Variants in CARMIL1 observed in about 807,000 individuals in gnomAD.
CARMIL1 encodes capping protein regulator and myosin 1 linker 1.
Under a neutral mutation model 177.1 loss-of-function variants are expected in CARMIL1, and 90 were observed. That is an observed-to-expected ratio of 0.51 (90% CI 0.43 to 0.61). The LOEUF is 0.61. Ranked by LOEUF, CARMIL1 falls within the 20% of genes least tolerant of loss-of-function variation. The probability of loss-of-function intolerance (pLI) is 0.00; values close to 1 mark genes in which losing one functional copy is unlikely to be tolerated. For synonymous variants in CARMIL1, 577 were observed against 606.2 expected, an observed-to-expected ratio of 0.95 and a Z score of 0.71; for missense variants, 1,380 against 1,667.0, an observed-to-expected ratio of 0.83 and a Z score of 3.00.
intron 4 of CARMIL1, among the ~76,000 whole-genome samples, chr6:25,433,950 C>T (rs896602169): frequency 6.6e-6 from 1 of 152,172 alleles, no homozygotes; most frequent in Non-Finnish European, 1.5e-5. Context: ...CTAAAAACTG[C>T]ATTGCACATT....
chr6:25,472,633 G>A (rs981228667), intron 11 of CARMIL1, 112 bp downstream of exon 11: 5 of 804,502 alleles, frequency 6.2e-6, no homozygotes, highest in Non-Finnish European at 8.0e-6. Flanking sequence ...TATAAGTGCT[G>A]TTAATGGTCC....
intron 2 of CARMIL1, among the ~76,000 whole-genome samples, chr6:25,302,055 G>C (rs77445501): frequency 0.028 from 4,257 of 152,270 alleles, 73 homozygotes; most frequent in Non-Finnish European, 0.038. Context: ...AAAATACATG[G>C]AATAGAGTGT....
intron 2 of CARMIL1, among the ~76,000 whole-genome samples, chr6:25,414,302 C>T (rs1452778991): frequency 6.6e-6 from 1 of 152,056 alleles, no homozygotes; most frequent in Non-Finnish European, 1.5e-5. Context: ...ACCAACAGTC[C>T]CAGTTTTCTG....
intron 10 of CARMIL1, 38 bp from the exon 11 acceptor site, chr6:25,472,389 A>G (rs1180578047): frequency 3.6e-6 from 5 of 1,372,270 alleles, no homozygotes; most frequent in Non-Finnish European, 5.1e-6. Flanking sequence ...ATGGTTTTAC[A>G]TTTTGTTATT....
chr6:25,601,036 C>T (rs1815348248), intron 33 of CARMIL1, among the ~76,000 whole-genome samples: 1 of 152,188 alleles, frequency 6.6e-6, no homozygotes, highest in Non-Finnish European at 1.5e-5. Flanking sequence ...CATGTCCCCA[C>T]ACTTCCTGCC....
rs114810355 is a variant in CARMIL1 at position 25,381,922 on chromosome 6, C to T, written c.139-38192C>T. On this transcript the variant is annotated intron_variant, in intron 2 of 36. Coordinates refer to ENST00000329474, the MANE Select transcript of CARMIL1 (RefSeq NM_017640.6). The stretch of plus-strand genomic sequence containing the variant: ...TTTCGTGGTTGGTTCCCCTGGCAAC[C>T]ACCAGCCCTCATCCTGAAGCTCTCT... 3.7e-3 allele frequency among the ~76,000 whole-genome samples: 564 copies of T among 152,092 alleles called. 5 individuals are homozygous for T. The highest frequency in any genetic ancestry group is 0.012 in the African/African-American group (506 of 41,492).
chr6:25,413,175 G>GT (rs11421226), intron 2 of CARMIL1, among the ~76,000 whole-genome samples: 12,823 of 152,122 alleles, frequency 0.084, 772 homozygotes, highest in African/African-American at 0.17. Flanking sequence ...GATTAATGAG[G>GT]TTTTATCTGT....
At chr6:25,422,224 C>T (rs541428190) in intron 3 of CARMIL1, among the ~76,000 whole-genome samples, 65 of 152,246 alleles carry the variant, frequency 4.3e-4, no homozygotes, top group Admixed American at 1.0e-3. Context: ...TCAGCCTTAT[C>T]GTGCTATGAT....
intron 2 of CARMIL1, among the ~76,000 whole-genome samples, chr6:25,305,433 A>G (rs1196656458): frequency 6.6e-6 from 1 of 152,200 alleles, no homozygotes; most frequent in African/African-American, 2.4e-5. Flanking sequence ...AGGTAAGACA[A>G]TCCACGGGTT....
Position 25,465,878 on chromosome 6 carries a change from T to A in CARMIL1, c.620T>A (p.Leu207Gln). The A allele has an allele frequency of 6.2e-7, 1 of 1,609,292 alleles. No individual in the cohort carries two copies. The highest frequency in any genetic ancestry group is 1.7e-5 in the Admixed American group (1 of 60,010). The change falls in exon 9 of 37, where the codon CTA becomes CAA. Residue 207 changes from leucine to glutamine, a missense_variant. Leu to Gln is a moderately radical substitution (Grantham distance 113, BLOSUM62 -2). Coordinates refer to ENST00000329474, the MANE Select transcript of CARMIL1 (RefSeq NM_017640.6). ...QDFSHLDHRD[L>Q]IPIIAALEYN... is the part of the protein sequence containing the mutation. ...TTTGTTGTTTCTGCTTCCAGGGACC[T>A]AATACCTATCATTGCTGCTCTGGAA... is the stretch of plus-strand genomic sequence containing the variant.
chr6:25,598,786 C>G (rs1815100434), intron 32 of CARMIL1, among the ~76,000 whole-genome samples: 1 of 152,136 alleles, frequency 6.6e-6, no homozygotes, highest in Non-Finnish European at 1.5e-5. Flanking sequence ...GTGGGTAGAG[C>G]TTGTCGACTG....
chr6:25,523,040 C>T (rs1386905458), intron 23 of CARMIL1, among the ~76,000 whole-genome samples: 1 of 152,188 alleles, frequency 6.6e-6, no homozygotes, highest in South Asian at 2.1e-4. Flanking sequence ...CTCAAGTAAT[C>T]CTCCTGCCTT....
At chr6:25,600,186 C>A in intron 32 of CARMIL1, 128 bp from the exon 33 acceptor site, 1 of 838,504 alleles carries the variant, frequency 1.2e-6, no homozygotes, top group Non-Finnish European at 1.9e-6. Context: ...TAACTCAAAT[C>A]TGCTTTTAAA....
chr6:25,492,002 T>C lies in CARMIL1; in HGVS notation c.1198T>C (p.Ser400Pro). The C allele has an allele frequency of 6.2e-7, 1 of 1,613,696 alleles. No individual in the cohort carries two copies. Among genetic ancestry groups the C allele is most frequent in the Non-Finnish European group, 8.5e-7 (1 of 1,179,696 alleles). The part of the protein sequence containing the change: ...CLQYLAVLNL[S>P]RTVFSHRKGK... ...TCAATATTTAGCTGTGCTCAACCTCTCCAGAACTGTCTTCTCTCACCGGTA... is the reference window on the plus strand; with the variant it reads ...TCAATATTTAGCTGTGCTCAACCTCCCCAGAACTGTCTTCTCTCACCGGTA... Residue 400 changes from serine (S) to proline (P), a missense_variant, in exon 15 of 37, where the codon TCC becomes CCC. By Grantham distance (74) the Ser-to-Pro change is moderately conservative (BLOSUM62 -1). Transcript: ENST00000329474.
In CARMIL1 at chr6:25,620,151, A is replaced by C. The variant is rs1481995868; in HGVS notation, c.*568A>C. The C allele has an allele frequency of 6.6e-6, 1 of 152,656 alleles. No homozygotes were observed. The highest frequency in any genetic ancestry group is 1.5e-5 in the Non-Finnish European group (1 of 68,056). 9.5% of individuals were successfully genotyped at this position (152,656 alleles called of 1,614,324 possible). A position where few individuals can be genotyped will look rare whatever the true frequency, so the allele number is the denominator to read the frequency against. ...ATATTAGATCTTGGGTATGGTTTTT[A>C]CCTTCTCCCATGGGGAACTTCTTCC... On this transcript the variant is annotated 3_prime_UTR_variant, in exon 37 of 37. Transcript: ENST00000329474.
intron 34 of CARMIL1, 45 bp downstream of exon 34, chr6:25,604,938 C>T (rs1815802988): frequency 6.9e-7 from 1 of 1,448,832 alleles, no homozygotes; most frequent in Non-Finnish European, 9.4e-7. Flanking sequence ...AAGCGCTTAC[C>T]TTCTGATTGC....
At position 25,279,768 on chromosome 6, in the gene CARMIL1, C is replaced by T; in HGVS notation, c.-28C>T. On this transcript the variant is annotated 5_prime_UTR_variant, in exon 1 of 37. Coordinates refer to ENST00000329474, the MANE Select transcript of CARMIL1 (RefSeq NM_017640.6). ...GGGCCATAAATCAGAGTTGGACCTG[C>T]AATAACCCCCACACCTACAGGGCAA... 3 of 1,612,976 alleles carry T rather than the reference C, an allele frequency of 1.9e-6. No homozygotes were observed. Among genetic ancestry groups the T allele is most frequent in the Non-Finnish European group, 2.5e-6 (3 of 1,178,978 alleles).
chr6:25,446,560 T>TCCAGACC (rs1239492060), intron 5 of CARMIL1, among the ~76,000 whole-genome samples: 3 of 152,224 alleles, frequency 2.0e-5, no homozygotes, highest in African/African-American at 7.2e-5. Context: ...AATGTTTCAT[T>TCCAGACC]CCAGACCACT....
chr6:25,451,987 C>CCCA, intron 8 of CARMIL1: 2 of 62,878 alleles, frequency 3.2e-5, no homozygotes, highest in Non-Finnish European at 6.5e-5. Flanking sequence ...TAGCATCTTG[C>CCCA]CCCCCCCTCC....
Sources: allele counts gnomAD v4.1 joint callset (sites outside exome capture counted in the v4.1 genomes callset), GRCh38; gene constraint gnomAD v4.1.1; transcripts MANE v1.5; gene names NCBI Gene and HGNC (gene_info 2026-07-23, HGNC 2026-07-21).